DCC: variants seen among roughly 807,000 people sequenced by gnomAD.
The protein encoded by DCC is netrin receptor DCC.
In DCC, 58 loss-of-function variants were observed where a neutral mutation model predicts 172.5. The observed-to-expected ratio is 0.34, with a 90% CI of 0.27 to 0.42. The LOEUF (loss-of-function observed/expected upper bound fraction) is 0.42, where lower values mean the gene tolerates loss of function less well. Among genes scored for constraint, DCC ranks in the 10% least tolerant of loss-of-function variants. DCC has a pLI of 1.00. For missense variants in DCC, 1,740 were observed against 1,791.0 expected, an observed-to-expected ratio of 0.97 and a Z score of 0.51; for synonymous variants, 709 against 644.5, an observed-to-expected ratio of 1.10 and a Z score of -1.52.
intron 1 of DCC, among the ~76,000 whole-genome samples, chr18:52,353,195 A>G (rs892543574): frequency 6.6e-6 from 1 of 152,188 alleles, no homozygotes; most frequent in Admixed American, 6.5e-5. Context: ...AGACCATGAC[A>G]CGTTTCATTT....
intron 2 of DCC, chr18:52,754,337 T>G (rs2037044412): frequency 1.3e-5 from 2 of 152,220 alleles, no homozygotes; most frequent in African/African-American, 4.8e-5. Context: ...GTAGACTGAA[T>G]GTTTTTTCTC....
At chr18:52,856,433 G>T (rs889360126) in intron 2 of DCC, among the ~76,000 whole-genome samples, 1 of 151,554 alleles carries the variant, frequency 6.6e-6, no homozygotes, top group Non-Finnish European at 1.5e-5. Flanking sequence ...AGACCATCCT[G>T]GCTAACACGG....
intron 5 of DCC, among the ~76,000 whole-genome samples, chr18:53,055,549 A>C (rs562732128): frequency 5.3e-4 from 80 of 152,266 alleles, no homozygotes; most frequent in Middle Eastern, 6.8e-3. Context: ...AATGTAACTT[A>C]AGTATGCTTT....
At chr18:53,512,808 A>G (rs1215777682) in intron 27 of DCC, among the ~76,000 whole-genome samples, 30 of 151,286 alleles carry the variant, frequency 2.0e-4, no homozygotes, top group Non-Finnish European at 1.5e-5. Flanking sequence ...ATATGGGACT[A>G]TGTGAAAAGA....
chr18:53,274,540 A>G (rs2056784251), intron 12 of DCC, among the ~76,000 whole-genome samples: 2 of 152,136 alleles, frequency 1.3e-5, no homozygotes, highest in African/African-American at 2.4e-5. Context: ...GTTCTTTACC[A>G]TGTGTCTCAT....
chr18:53,452,890 G>GGTTTGTTTGTTTGTTT (rs10553364), intron 23 of DCC, among the ~76,000 whole-genome samples: 1 of 150,190 alleles, frequency 6.7e-6, no homozygotes, highest in Non-Finnish European at 1.5e-5. Context: ...AGTTTAGTGG[G>GGTTTGTTTGTTTGTTT]GTTTGTTTGT....
chr18:52,361,084 T>A (rs1984597542), intron 1 of DCC, among the ~76,000 whole-genome samples: 3 of 152,236 alleles, frequency 2.0e-5, no homozygotes, highest in Admixed American at 2.0e-4. Flanking sequence ...GTGATGAAGC[T>A]GACAGTCATG....
intron 1 of DCC, among the ~76,000 whole-genome samples, chr18:52,423,887 C>T (rs1475085339): frequency 6.6e-6 from 1 of 151,850 alleles, no homozygotes; most frequent in South Asian, 2.1e-4. Context: ...ATAAAATAAC[C>T]CTCTGGTAAT....
chr18:52,671,228 T>C (rs981987963), intron 1 of DCC, among the ~76,000 whole-genome samples: 3 of 152,102 alleles, frequency 2.0e-5, no homozygotes, highest in Non-Finnish European at 4.4e-5. Context: ...ACTCAACCAG[T>C]CCCACCACTG....
At chr18:53,068,316 G>A (rs771844894) in intron 7 of DCC, among the ~76,000 whole-genome samples, 6 of 151,722 alleles carry the variant, frequency 4.0e-5, no homozygotes, top group Admixed American at 1.3e-4. Context: ...ATAATGTGCC[G>A]GTTAGTTACA....
chr18:52,422,761 A>T (rs73459050), intron 1 of DCC, among the ~76,000 whole-genome samples: 12,787 of 152,182 alleles, frequency 0.084, 754 homozygotes, highest in African/African-American at 0.17. Flanking sequence ...TGGGTTAAGA[A>T]TTAGAGCAAC....
At chr18:53,122,253 CT>C (rs2043493545) in intron 7 of DCC, among the ~76,000 whole-genome samples, 1 of 151,920 alleles carries the variant, frequency 6.6e-6, no homozygotes, top group Non-Finnish European at 1.5e-5. Context: ...GCTAATTTTA[CT>C]GTAATAGATA....
chr18:52,664,503 C>G (rs1278748209), intron 1 of DCC, among the ~76,000 whole-genome samples: 1 of 111,260 alleles, frequency 9.0e-6, no homozygotes, highest in African/African-American at 3.6e-5. Context: ...GAGACCGAGG[C>G]TCTGTCACCC....
intron 2 of DCC, among the ~76,000 whole-genome samples, chr18:52,782,764 A>C (rs2037571558): frequency 6.6e-6 from 1 of 152,036 alleles, no homozygotes. Context: ...GTTAGTGTAC[A>C]AGAAAAATCA....
intron 12 of DCC, among the ~76,000 whole-genome samples, chr18:53,301,543 A>G (rs2057142098): frequency 1.3e-5 from 2 of 152,226 alleles, no homozygotes; most frequent in Non-Finnish European, 2.9e-5. Flanking sequence ...AATACTAACA[A>G]GCCTATAACA....
chr18:52,623,207 A>G (rs543717733), intron 1 of DCC, among the ~76,000 whole-genome samples: 3 of 152,372 alleles, frequency 2.0e-5, no homozygotes, highest in African/African-American at 4.8e-5. Flanking sequence ...GGAGTTGGAC[A>G]TGAGGAAGAA....
At chr18:52,801,916 C>A (rs965257470) in intron 2 of DCC, among the ~76,000 whole-genome samples, 1 of 151,970 alleles carries the variant, frequency 6.6e-6, no homozygotes, top group Non-Finnish European at 1.5e-5. Flanking sequence ...ATCAGTGACC[C>A]TTTAGACATG....
At chr18:52,571,159 C>T (rs796872084) in intron 1 of DCC, among the ~76,000 whole-genome samples, 17 of 152,170 alleles carry the variant, frequency 1.1e-4, no homozygotes, top group African/African-American at 3.6e-4. Flanking sequence ...GGAACATAAA[C>T]CAGAGCTCTG....
chr18:52,523,186 C>T (rs2044725244), intron 1 of DCC, among the ~76,000 whole-genome samples: 1 of 152,118 alleles, frequency 6.6e-6, no homozygotes, highest in Admixed American at 6.5e-5. Context: ...GCAGATTCTA[C>T]ATGATTGCAT....
Sources: allele counts gnomAD v4.1 joint callset (sites outside exome capture counted in the v4.1 genomes callset), GRCh38; gene constraint gnomAD v4.1.1; transcripts MANE v1.5; gene names NCBI Gene and HGNC (gene_info 2026-07-23, HGNC 2026-07-21).